ARF3: variants seen among roughly 807,000 people sequenced by gnomAD.
ARF3 encodes ADP-ribosylation factor 3.
In ARF3, 5 loss-of-function variants were observed where a neutral mutation model predicts 19.3. The observed-to-expected ratio is 0.26, with a 90% CI of 0.14 to 0.54. The LOEUF (loss-of-function observed/expected upper bound fraction) is 0.54. Among genes scored for constraint, ARF3 ranks in the 20% least tolerant of loss-of-function variants. The pLI is 0.95. For synonymous variants in ARF3, 71 were observed against 89.2 expected (o/e 0.80, Z 1.15); for missense variants, 77 against 234.2 (o/e 0.33, Z 4.38).
intron 2 of ARF3, 71 bp from the exon 3 acceptor site, chr12:48,940,178 T>G: frequency 7.8e-7 from 1 of 1,288,932 alleles, no homozygotes; most frequent in Non-Finnish European, 1.1e-6. Context: ...CACAATGAGT[T>G]TGGTTCTGCT....
At chr12:48,944,566 T>C (rs1406416227) in intron 1 of ARF3, among the ~76,000 whole-genome samples, 1 of 152,260 alleles carries the variant, frequency 6.6e-6, no homozygotes, top group African/African-American at 2.4e-5. Context: ...ATTTTGAATC[T>C]GTCCTCCCTC....
intron 1 of ARF3, chr12:48,955,655 TTCTA>T (rs893136725): frequency 2.6e-5 from 4 of 152,156 alleles, no homozygotes; most frequent in East Asian, 1.9e-4. Flanking sequence ...GCTTGTTGAG[TTCTA>T]TCTATTTACA....
Position 48,938,988 on chromosome 12 carries a change from C to T in ARF3, c.505G>A (p.Gly169Ser). Reference sequence around the variant, plus strand: ...AGCTGATTGGCCAGCCAGTCCAGGCCTTCGTACAGCCCGTCCCCGCTGGTG... The same window carrying T: ...AGCTGATTGGCCAGCCAGTCCAGGCTTTCGTACAGCCCGTCCCCGCTGGTG... Reference protein sequence around the residue: ...CATSGDGLYEGLDWLANQLKN... With the variant: ...CATSGDGLYESLDWLANQLKN... The change falls in exon 5 of 5, where the codon GGC becomes AGC. Residue 169 changes from glycine (G) to serine (S), a missense_variant. Physicochemically the swap from Gly to Ser is moderately conservative, Grantham distance 56 (BLOSUM62 0). Transcript: ENST00000256682. 6.2e-7 allele frequency: 1 copy of T among 1,612,980 alleles called. No individual in the cohort carries two copies. The highest frequency in any genetic ancestry group is 1.1e-5 in the South Asian group (1 of 91,020).
intron 1 of ARF3, among the ~76,000 whole-genome samples, chr12:48,942,605 A>C (rs924206412): frequency 6.6e-6 from 1 of 152,178 alleles, no homozygotes; most frequent in Non-Finnish European, 1.5e-5. Context: ...CATCTGATAC[A>C]TTATATATTT....
chr12:48,956,674 T>C (rs1726440), intron 1 of ARF3: 125,944 of 152,250 alleles, frequency 0.83, 53,630 homozygotes, highest in East Asian at 1. Flanking sequence ...ATCCCCCTCC[T>C]CCTTCTCCTG....
At chr12:48,942,937 T>A (rs1940288975) in intron 1 of ARF3, among the ~76,000 whole-genome samples, 1 of 152,074 alleles carries the variant, frequency 6.6e-6, no homozygotes, top group African/African-American at 2.4e-5. Flanking sequence ...TAAAACCCCA[T>A]CTCTACTAAA....
intron 2 of ARF3, 31 bp from the exon 3 acceptor site, chr12:48,940,138 G>A: frequency 6.3e-7 from 1 of 1,582,626 alleles, no homozygotes; most frequent in Non-Finnish European, 8.7e-7. Flanking sequence ...ATGGCCACTT[G>A]GCCTCAAACA....
At position 48,937,137 on chromosome 12, in the gene ARF3, A is replaced by G. The variant is rs1358816817; in HGVS notation, c.*1810T>C. On this transcript the variant is annotated 3_prime_UTR_variant, in exon 5 of 5. Coordinates refer to ENST00000256682, the MANE Select transcript of ARF3 (RefSeq NM_001659.3). ...CACTAAGTAACTGGCACTGAGGGAG[A>G]TACCCCTGGAACCTCTCTTTCACAG... is the stretch of plus-strand genomic sequence containing the variant. The G allele has an allele frequency of 1.3e-5, 2 of 152,380 alleles. No homozygotes were observed. The highest frequency in any genetic ancestry group is 4.8e-5 in the African/African-American group (2 of 41,446). 9.4% of individuals were successfully genotyped at this position (152,380 alleles called of 1,614,324 possible). A position where few individuals can be genotyped will look rare whatever the true frequency, so the allele number is the denominator to read the frequency against.
chr12:48,945,466 C>T (rs1940341947), intron 1 of ARF3, among the ~76,000 whole-genome samples: 1 of 151,866 alleles, frequency 6.6e-6, no homozygotes, highest in Admixed American at 6.6e-5. Flanking sequence ...GAGGCTGAGG[C>T]AGGAGAATTG....
At chr12:48,941,295 G>T in intron 1 of ARF3, 107 bp from the exon 2 acceptor site, 3 of 575,236 alleles carry the variant, frequency 5.2e-6, no homozygotes, top group Admixed American at 3.5e-5. Context: ...CAAACGGAGA[G>T]CCTGAGGGGA....
chr12:48,949,928 A>C (rs773842175), intron 1 of ARF3, among the ~76,000 whole-genome samples: 1 of 152,220 alleles, frequency 6.6e-6, no homozygotes, highest in African/African-American at 2.4e-5. Context: ...AGAAGCTAGA[A>C]TAATCTGGAG....
Position 48,951,834 on chromosome 12 carries a change from G to A in ARF3, c.-94+5476C>T, listed in dbSNP as rs181923707. ...GTGGAGGCTGCTGTGAGCCAAGATC[G>A]TGCCATTGCACTCCAGGCTGGGCAA... On this transcript the variant is annotated intron_variant, in intron 1 of 4. Transcript: ENST00000256682. Among the ~76,000 whole-genome samples, 368 of 151,688 alleles carry A rather than the reference G, an allele frequency of 2.4e-3. 3 individuals are homozygous for A. Among genetic ancestry groups the A allele is most frequent in the African/African-American group, 7.8e-3 (322 of 41,440 alleles).
intron 1 of ARF3, among the ~76,000 whole-genome samples, chr12:48,948,683 G>C (rs1036516054): frequency 4.6e-5 from 7 of 151,974 alleles, no homozygotes; most frequent in African/African-American, 1.7e-4. Flanking sequence ...TGATGGTGTG[G>C]GCCTGCAATC....
intron 1 of ARF3, chr12:48,953,116 T>C (rs1032170613): frequency 6.6e-5 from 10 of 152,282 alleles, no homozygotes; most frequent in Non-Finnish European, 2.9e-5. Context: ...GACTGACCTA[T>C]AGCTAGTGAC....
In ARF3 at chr12:48,946,435, C is replaced by A. The variant is rs151294376; in HGVS notation, c.-93-5247G>T. On this transcript the variant is annotated intron_variant, in intron 1 of 4. Coordinates refer to ENST00000256682, the MANE Select transcript of ARF3 (RefSeq NM_001659.3). Reference sequence around the variant, plus strand: ...CTCCTGTGTTTATAGGGCAAAATGCCAGGGTTCCATTGGCTGTTGGATACC... The same window carrying A: ...CTCCTGTGTTTATAGGGCAAAATGCAAGGGTTCCATTGGCTGTTGGATACC... 2.6e-5 allele frequency among the ~76,000 whole-genome samples: 4 copies of A among 152,304 alleles called. No individual in the cohort carries two copies. In the South Asian group the frequency reaches 8.3e-4, roughly 32 times the overall value.
At chr12:48,948,669 G>A (rs966060750) in intron 1 of ARF3, among the ~76,000 whole-genome samples, 1 of 152,058 alleles carries the variant, frequency 6.6e-6, no homozygotes, top group Admixed American at 6.6e-5. Context: ...AAATTAGCCG[G>A]GTGTGATGGT....
intron 1 of ARF3, among the ~76,000 whole-genome samples, chr12:48,950,701 C>T (rs542180155): frequency 6.6e-6 from 1 of 152,262 alleles, no homozygotes; most frequent in South Asian, 2.1e-4. Context: ...CCCTGGCAAC[C>T]ACCATTCTCC....
chr12:48,938,480 G>A lies in ARF3; in HGVS notation c.*467C>T, dbSNP rs565346562. On this transcript the variant is annotated 3_prime_UTR_variant, in exon 5 of 5. Transcript: ENST00000256682. Reference sequence around the variant, plus strand: ...TCTCTCTATACATGTATATACAGGCGCACACATGCACGCAAACACAGAGAG... The same window carrying A: ...TCTCTCTATACATGTATATACAGGCACACACATGCACGCAAACACAGAGAG... 109 of 449,146 alleles carry A rather than the reference G, an allele frequency of 2.4e-4. No homozygotes were observed. The highest frequency in any genetic ancestry group is 3.9e-4 in the Non-Finnish European group (88 of 222,938). The allele number at this position is 449,146 out of a possible 1,614,324, so 27.8% of individuals were successfully genotyped here.
At chr12:48,954,324 A>G (rs1412415435) in intron 1 of ARF3, among the ~76,000 whole-genome samples, 1 of 152,134 alleles carries the variant, frequency 6.6e-6, no homozygotes, top group Non-Finnish European at 1.5e-5. Flanking sequence ...TCATGGTAAC[A>G]ATCATCCCTC....
Sources: gnomAD v4.1 joint callset for allele counts (sites outside exome capture counted in the v4.1 genomes callset) on GRCh38, gnomAD v4.1.1 for gene constraint, MANE v1.5 for transcripts, NCBI Gene and HGNC (gene_info 2026-07-23, HGNC 2026-07-21) for gene names.